Variants in NTAQ1 observed in about 807,000 individuals in gnomAD.
The protein encoded by NTAQ1 is protein N-terminal glutamine amidohydrolase.
A neutral mutation model predicts 28.2 loss-of-function variants in NTAQ1; 21 were observed. That is an observed-to-expected ratio of 0.74 (90% CI 0.53 to 1.07). The LOEUF is 1.07. Ranked by LOEUF, NTAQ1 falls within the 50% of genes least tolerant of loss-of-function variation. The pLI, the probability that NTAQ1 is intolerant of heterozygous loss-of-function variation, is 0.00. For missense variants in NTAQ1, 264 were observed against 256.6 expected, an observed-to-expected ratio of 1.03 and a Z score of -0.20; for synonymous variants, 105 against 90.0, an observed-to-expected ratio of 1.17 and a Z score of -0.94.
At chr8:123,431,422 C>T (rs1814386783) in intron 3 of NTAQ1, among the ~76,000 whole-genome samples, 1 of 151,390 alleles carries the variant, frequency 6.6e-6, no homozygotes, top group African/African-American at 2.4e-5. Flanking sequence ...TGAATTGGAA[C>T]AAACTCCTAG....
chr8:123,419,774 T>TCCCTCCCTCCCTC (rs1813566202), intron 1 of NTAQ1, among the ~76,000 whole-genome samples: 1 of 23,226 alleles, frequency 4.3e-5, no homozygotes, highest in Non-Finnish European at 9.6e-5. Context: ...CTTCCTTTCT[T>TCCCTCCCTCCCTC]CCCTCCCTCC....
chr8:123,421,584 C>G (rs966106223), intron 1 of NTAQ1, among the ~76,000 whole-genome samples: 2 of 150,304 alleles, frequency 1.3e-5, no homozygotes, highest in African/African-American at 4.9e-5. Context: ...TCTCGGCTCA[C>G]TGCAACCTCT....
chr8:123,424,171 C>T (rs972717951), intron 1 of NTAQ1, among the ~76,000 whole-genome samples: 1 of 147,218 alleles, frequency 6.8e-6, no homozygotes, highest in Non-Finnish European at 1.5e-5. Context: ...CTCCCGGGCT[C>T]AAGTGATTCT....
At chr8:123,443,922 G>A (rs1255554421), downstream of NTAQ1, among the ~76,000 whole-genome samples, 2 of 152,206 alleles carry the variant, frequency 1.3e-5, no homozygotes, top group East Asian at 3.9e-4. Context: ...TCTTCAGCTT[G>A]TGCGAGCTGG....
At chr8:123,463,834 G>T (rs2130433351) in intron 6 of NTAQ1, among the ~76,000 whole-genome samples, 2 of 152,244 alleles carry the variant, frequency 1.3e-5, no homozygotes, top group Middle Eastern at 3.4e-3. Context: ...ATTTGGTTGT[G>T]TCCCCACCCA....
chr8:123,470,924 T>TC (rs1816034577), downstream of NTAQ1, among the ~76,000 whole-genome samples: 1 of 138,486 alleles, frequency 7.2e-6, no homozygotes, highest in Admixed American at 7.0e-5. Flanking sequence ...TTTTCTTTTT[T>TC]TTTTTTCTTT....
chr8:123,420,248 G>A (rs1165222910), intron 1 of NTAQ1, among the ~76,000 whole-genome samples: 2 of 152,228 alleles, frequency 1.3e-5, no homozygotes, highest in South Asian at 2.1e-4. Context: ...CATGATTTTT[G>A]TTCTTTGTCA....
chr8:123,475,008 G>A (rs534780788), downstream of NTAQ1, among the ~76,000 whole-genome samples: 30 of 152,320 alleles, frequency 2.0e-4, no homozygotes, highest in Admixed American at 6.5e-4. Context: ...TTGCCTATTA[G>A]TGATTTTCTG....
chr8:123,423,676 A>G (rs769191547), intron 1 of NTAQ1, among the ~76,000 whole-genome samples: 1 of 152,052 alleles, frequency 6.6e-6, no homozygotes, highest in Non-Finnish European at 1.5e-5. Flanking sequence ...CCTACATGAT[A>G]TTCGTTATGC....
At chr8:123,463,616 A>G (rs1028752818) in intron 6 of NTAQ1, among the ~76,000 whole-genome samples, 6 of 152,246 alleles carry the variant, frequency 3.9e-5, no homozygotes, top group Admixed American at 1.3e-4. Context: ...TTGACGTGGT[A>G]TACAGAATTC....
chr8:123,436,699 C>G, intron 4 of NTAQ1, 98 bp downstream of exon 4: 1 of 1,312,912 alleles, frequency 7.6e-7, no homozygotes, highest in South Asian at 1.4e-5. Context: ...TTGTAAAGAT[C>G]TCGTCTGACA....
In NTAQ1 at chr8:123,427,978, T is replaced by A; in HGVS notation, c.138T>A (p.Pro46=). The part of the protein sequence containing the change: ...CEYIKNHDQY[P]LEECYAVFIS... ...ACATCAAAAACCATGACCAGTATCC[T>A]TTAGAAGAATGTTATGCTGTCTTCA... is the stretch of plus-strand genomic sequence containing the variant. The change falls in exon 2 of 6, where the codon CCT becomes CCA. Residue 46 remains proline, a synonymous_variant. Transcript: ENST00000287387. The A allele has an allele frequency of 6.2e-7, 1 of 1,611,548 alleles. No homozygotes were observed. Among genetic ancestry groups the A allele is most frequent in the Non-Finnish European group, 8.5e-7 (1 of 1,179,248 alleles).
intron 1 of NTAQ1, among the ~76,000 whole-genome samples, chr8:123,426,022 C>T (rs527315024): frequency 6.6e-6 from 1 of 152,134 alleles, no homozygotes; most frequent in South Asian, 2.1e-4. Context: ...AGACTCCGTC[C>T]CCGCTCCCCC....
intron 1 of NTAQ1, among the ~76,000 whole-genome samples, chr8:123,419,322 C>G (rs1239953663): frequency 6.6e-6 from 1 of 152,098 alleles, no homozygotes; most frequent in African/African-American, 2.4e-5. Context: ...TGGTCTTGAA[C>G]TCCTGACCTC....
downstream of NTAQ1, among the ~76,000 whole-genome samples, chr8:123,471,337 C>G (rs1291067711): frequency 6.6e-6 from 1 of 152,198 alleles, no homozygotes; most frequent in East Asian, 1.9e-4. Flanking sequence ...AACATGATTT[C>G]CAAGTAAGGT....
intron 2 of NTAQ1, 76 bp from the exon 3 acceptor site, chr8:123,429,905 TCA>T: frequency 1.4e-6 from 1 of 719,466 alleles, no homozygotes; most frequent in Non-Finnish European, 2.0e-6. Context: ...AAATCCCGTC[TCA>T]AAAAAAAAAA....
Position 123,416,788 on chromosome 8 carries a change from C to G in NTAQ1, c.-62C>G, listed in dbSNP as rs751815494. ...CCACGCGGGCCACTACAAGCCCGCC[C>G]TTTCCTACGTCTGGTCCAGTCGGTC... On this transcript the variant is annotated 5_prime_UTR_variant, in exon 1 of 6. Transcript: ENST00000287387. 1 of 1,467,210 alleles carries G rather than the reference C, an allele frequency of 6.8e-7. No homozygotes were observed. The allele number at this position is 1,467,210 out of a possible 1,614,324, so 90.9% of individuals were successfully genotyped here.
At chr8:123,441,250 C>A in intron 5 of NTAQ1, 56 bp from the exon 6 acceptor site, 2 of 1,402,134 alleles carry the variant, frequency 1.4e-6, no homozygotes, top group Non-Finnish European at 2.0e-6. Context: ...TGTTTTATTG[C>A]TGTTAAACCA....
At chr8:123,447,221 A>C (rs1586959870), downstream of NTAQ1, among the ~76,000 whole-genome samples, 3 of 152,162 alleles carry the variant, frequency 2.0e-5, no homozygotes, top group South Asian at 6.2e-4. Context: ...TTATACTTAC[A>C]TATTTATAAT....
Sources: allele counts gnomAD v4.1 joint callset (sites outside exome capture counted in the v4.1 genomes callset), GRCh38; gene constraint gnomAD v4.1.1; transcripts MANE v1.5; gene names NCBI Gene and HGNC (gene_info 2026-07-23, HGNC 2026-07-21).